The following ENTREP2 variants were observed in gnomAD, a reference collection of about 807,000 sequenced individuals.
ENTREP2 encodes the protein protein ENTREP2.
At chr15:29,316,869 A>G in the ENTREP2 span, among the ~76,000 whole-genome samples, 1 of 152,218 alleles carries the variant, frequency 6.6e-6, no homozygotes, top group Non-Finnish European at 1.5e-5. Context: ...AAGTTACAAG[A>G]CAAATTAGTA....
At chr15:29,638,733 G>A in the ENTREP2 span, among the ~76,000 whole-genome samples, 8 of 152,128 alleles carry the variant, frequency 5.3e-5, no homozygotes, top group South Asian at 2.1e-4. Context: ...AAAATTAGCC[G>A]GGCGTGGCTG....
the ENTREP2 span, among the ~76,000 whole-genome samples, chr15:29,517,222 C>T: frequency 1.3e-5 from 2 of 152,036 alleles, no homozygotes; most frequent in Non-Finnish European, 2.9e-5. Context: ...AATCTAGCCA[C>T]GGGAGGGAAA....
the ENTREP2 span, chr15:29,126,440 C>A: frequency 1.9e-6 from 3 of 1,549,896 alleles, no homozygotes; most frequent in Non-Finnish European, 2.6e-6. Context: ...TGGGCTGGAA[C>A]CTGGCGTAGC....
At chr15:29,648,920 C>T in the ENTREP2 span, among the ~76,000 whole-genome samples, 3 of 150,298 alleles carry the variant, frequency 2.0e-5, no homozygotes, top group Non-Finnish European at 3.0e-5. Context: ...GCCTGGGCAA[C>T]AAGAGCGAAA....
chr15:29,574,116 G>A, the ENTREP2 span, among the ~76,000 whole-genome samples: 22 of 149,754 alleles, frequency 1.5e-4, no homozygotes, highest in South Asian at 8.3e-4. Context: ...CACTGATCAC[G>A]ACAACTCATT....
At chr15:29,624,502 G>A in the ENTREP2 span, among the ~76,000 whole-genome samples, 3 of 152,128 alleles carry the variant, frequency 2.0e-5, no homozygotes, top group Admixed American at 1.3e-4. Flanking sequence ...CTCTACAAAT[G>A]CTGGATTTAT....
chr15:29,485,948 T>C, the ENTREP2 span, among the ~76,000 whole-genome samples: 7 of 152,318 alleles, frequency 4.6e-5, no homozygotes, highest in South Asian at 1.5e-3. Context: ...GAAAATCGTA[T>C]GGAGATTTCT....
At chr15:29,549,064 T>C in the ENTREP2 span, among the ~76,000 whole-genome samples, 1 of 152,118 alleles carries the variant, frequency 6.6e-6, no homozygotes, top group African/African-American at 2.4e-5. Flanking sequence ...TCCAATCCTG[T>C]TCATGTAAGA....
the ENTREP2 span, among the ~76,000 whole-genome samples, chr15:29,423,297 G>C: frequency 2.0e-4 from 30 of 152,270 alleles, no homozygotes; most frequent in African/African-American, 7.0e-4. Flanking sequence ...TTCAGAGAGA[G>C]ATAAGTTAGG....
chr15:29,546,939 G>A, the ENTREP2 span, among the ~76,000 whole-genome samples: 1 of 147,654 alleles, frequency 6.8e-6, no homozygotes, highest in East Asian at 2.0e-4. Flanking sequence ...AAGATGAAAA[G>A]ATAGAAAATT....
At chr15:29,464,392 G>C in the ENTREP2 span, among the ~76,000 whole-genome samples, 1 of 152,148 alleles carries the variant, frequency 6.6e-6, no homozygotes, top group East Asian at 1.9e-4. Flanking sequence ...ATTTCACTTT[G>C]ACTCTGTTAT....
the ENTREP2 span, among the ~76,000 whole-genome samples, chr15:29,672,278 G>A: frequency 1.3e-5 from 2 of 151,956 alleles, no homozygotes; most frequent in African/African-American, 4.8e-5. Context: ...ATGAGCCACC[G>A]CGCCCGGTTT....
the ENTREP2 span, among the ~76,000 whole-genome samples, chr15:29,573,910 A>C: frequency 6.6e-6 from 1 of 152,170 alleles, no homozygotes; most frequent in African/African-American, 2.4e-5. Context: ...GCAACAGCCA[A>C]AGTTACCTTG....
At chr15:29,257,312 G>A in the ENTREP2 span, among the ~76,000 whole-genome samples, 3 of 151,942 alleles carry the variant, frequency 2.0e-5, no homozygotes, top group Admixed American at 1.3e-4. Context: ...ACCTCAGGTG[G>A]TCCACCCGCC....
the ENTREP2 span, among the ~76,000 whole-genome samples, chr15:29,655,206 C>T: frequency 6.6e-6 from 1 of 152,196 alleles, no homozygotes; most frequent in Non-Finnish European, 1.5e-5. Flanking sequence ...TGCCCTTTCT[C>T]TTTGAGACAC....
the ENTREP2 span, among the ~76,000 whole-genome samples, chr15:29,411,675 C>T: frequency 6.6e-6 from 1 of 152,148 alleles, no homozygotes; most frequent in Admixed American, 6.5e-5. Flanking sequence ...ATGTACTTAC[C>T]TTTCAAACAT....
the ENTREP2 span, among the ~76,000 whole-genome samples, chr15:29,431,901 A>T: frequency 6.6e-6 from 1 of 152,168 alleles, no homozygotes; most frequent in East Asian, 1.9e-4. Context: ...ACACAAGACC[A>T]CTCTGATGAG....
At chr15:29,491,602 C>T in the ENTREP2 span, among the ~76,000 whole-genome samples, 1 of 152,116 alleles carries the variant, frequency 6.6e-6, no homozygotes, top group Non-Finnish European at 1.5e-5. Flanking sequence ...CAAAGTAAAT[C>T]TCAGGAAGTT....
At chr15:29,649,091 C>CACAG in the ENTREP2 span, among the ~76,000 whole-genome samples, 2 of 150,282 alleles carry the variant, frequency 1.3e-5, no homozygotes, top group Admixed American at 6.6e-5. Context: ...CACACACACA[C>CACAG]AGCTATTATG....
Sources: gnomAD v4.1 joint callset for allele counts (sites outside exome capture counted in the v4.1 genomes callset) on GRCh38, gnomAD v4.1.1 for gene constraint, MANE v1.5 for transcripts, NCBI Gene and HGNC (gene_info 2026-07-23, HGNC 2026-07-21) for gene names.